Variants in CKAP2L observed in about 807,000 individuals in gnomAD.
The protein encoded by CKAP2L is cytoskeleton associated protein 2L, also known as cytoskeleton-associated protein 2-like.
A neutral mutation model predicts 65.7 loss-of-function variants in CKAP2L; 42 were observed. The ratio of observed to expected loss-of-function variants is 0.64; its 90% CI spans 0.50 to 0.83. The LOEUF is 0.83. Among genes scored for constraint, CKAP2L ranks in the 40% least tolerant of loss-of-function variants. The pLI, the probability that CKAP2L is intolerant of heterozygous loss-of-function variation, is 0.00. For missense variants in CKAP2L, 908 were observed against 871.0 expected (o/e 1.04, Z -0.53); for synonymous variants, 325 against 313.5 (o/e 1.04, Z -0.39).
chr2:112,757,465 T>C (rs962891427), intron 3 of CKAP2L, among the ~76,000 whole-genome samples: 2 of 150,076 alleles, frequency 1.3e-5, no homozygotes, highest in Non-Finnish European at 3.0e-5. Context: ...TCTTGGCTCA[T>C]TGCAACCTCT....
intron 3 of CKAP2L, among the ~76,000 whole-genome samples, chr2:112,758,767 T>C (rs1186662575): frequency 6.6e-6 from 1 of 152,204 alleles, no homozygotes; most frequent in Non-Finnish European, 1.5e-5. Flanking sequence ...ATTCACCATT[T>C]TAGTAAGTGC....
At position 112,756,734 on chromosome 2, in the gene CKAP2L, A is replaced by G. The variant is rs767835982; in HGVS notation, c.637T>C (p.Ser213Pro). 2.8e-5 allele frequency: 44 copies of G among 1,597,220 alleles called. No individual in the cohort carries two copies. The East Asian group carries it at 8.0e-4, about 29-fold the overall frequency. Residue 213 changes from serine (S) to proline (P), a missense_variant, in exon 4 of 9, where the codon TCT (serine) becomes CCT (proline). Transcript: ENST00000302450. ...AAACTGTTCTTGGTTTGATTATAAG[A>G]GTCAGTCTTTGGCTTACTTCTGGTA... ...LYTRSKPKTD[S>P]YNQTKNSLVP...
At chr2:112,761,883 G>C (rs1017612964) in intron 2 of CKAP2L, among the ~76,000 whole-genome samples, 3 of 152,148 alleles carry the variant, frequency 2.0e-5, no homozygotes, top group African/African-American at 7.2e-5. Flanking sequence ...AAACACCCAA[G>C]ATAAAATAAA....
At chr2:112,739,470 T>C (rs541660346) in intron 8 of CKAP2L, among the ~76,000 whole-genome samples, 9 of 152,312 alleles carry the variant, frequency 5.9e-5, no homozygotes, top group African/African-American at 1.9e-4. Context: ...GTGGTGTCCA[T>C]CTGTTCTTGG....
Position 112,760,729 on chromosome 2 carries a change from T to G in CKAP2L, c.140A>C (p.Gln47Pro), listed in dbSNP as rs2104890744. 1 of 1,507,562 alleles carries G rather than the reference T, an allele frequency of 6.6e-7. No homozygotes were observed. Among genetic ancestry groups the G allele is most frequent in the South Asian group, 1.2e-5 (1 of 84,974 alleles). 93.4% of individuals were successfully genotyped at this position (1,507,562 alleles called of 1,614,324 possible). A position where few individuals can be genotyped will look rare whatever the true frequency, so the allele number is the denominator to read the frequency against. The change falls in exon 3 of 9, where the codon CAA becomes CCA. Residue 47 changes from glutamine to proline, a missense_variant. Coordinates refer to ENST00000302450, the MANE Select transcript of CKAP2L (RefSeq NM_152515.5). ...TCTACTTACAGATTTAGAAGGTGGT[T>G]GATTCTGGCAATTATTCTTGGATTT... Reference protein sequence around the residue: ...YLKSKNNCQNQPPSKSTIRPK... With the variant: ...YLKSKNNCQNPPPSKSTIRPK...
chr2:112,764,318 C>A (rs995522801), intron 1 of CKAP2L, among the ~76,000 whole-genome samples: 5 of 152,234 alleles, frequency 3.3e-5, no homozygotes, highest in Non-Finnish European at 5.9e-5. Context: ...CTTTGCAAGG[C>A]TGCTGCAGGG....
chr2:112,763,878 C>G (rs146369401), intron 1 of CKAP2L: 1 of 152,330 alleles, frequency 6.6e-6, no homozygotes, highest in African/African-American at 2.4e-5. Flanking sequence ...ATAAGGCGGA[C>G]AGAAATGCCA....
At position 112,737,241 on chromosome 2, in the gene CKAP2L, A is replaced by G. The variant is rs977742459; in HGVS notation, c.*1582T>C. The G allele has an allele frequency of 5.9e-5, 9 of 152,148 alleles. No homozygotes were observed. The highest frequency in any genetic ancestry group is 1.9e-4 in the African/African-American group (8 of 41,428). The allele number at this position is 152,148 out of a possible 1,614,324, so 9.4% of individuals were successfully genotyped here. On this transcript the variant is annotated 3_prime_UTR_variant, in exon 9 of 9. Transcript: ENST00000302450. ...GCTGGTGATTTCATCTTCTTTGGGT[A>G]CATACTTACTCAGAAGAGGGTCAGA... is the stretch of plus-strand genomic sequence containing the variant.
intron 4 of CKAP2L, among the ~76,000 whole-genome samples, chr2:112,752,756 C>T (rs1294326816): frequency 6.6e-6 from 1 of 152,178 alleles, no homozygotes; most frequent in Non-Finnish European, 1.5e-5. Flanking sequence ...AAAGTTTTCA[C>T]TTCACTATAT....
intron 1 of CKAP2L, chr2:112,763,898 C>T (rs1680809483): frequency 6.6e-6 from 1 of 152,224 alleles, no homozygotes; most frequent in South Asian, 2.1e-4. Flanking sequence ...ATCTTTAAAG[C>T]TTGTTATGTA....
In CKAP2L at chr2:112,738,981, C is replaced by A; in HGVS notation, c.2080G>T (p.Glu694Ter). 6.2e-7 allele frequency: 1 copy of A among 1,614,200 alleles called. No homozygotes were observed. Among genetic ancestry groups the A allele is most frequent in the South Asian group, 1.1e-5 (1 of 91,080 alleles). Residue 694 changes from glutamate to a stop codon, truncating the protein, a stop_gained, in exon 9 of 9, where the codon GAG (glutamate) becomes TAG (stop). Transcript: ENST00000302450. LOFTEE classifies it high-confidence loss of function. ...TCTGGGTAGCGGGACACTGCTCGCTCAATCCTCGACGAACGCCGTACAGGA... is the reference window on the plus strand; with the variant it reads ...TCTGGGTAGCGGGACACTGCTCGCTAAATCCTCGACGAACGCCGTACAGGA... Reference protein sequence around the residue: ...ITPVRRSSRIERAVSRYPEML... With the variant: ...ITPVRRSSRI
At chr2:112,744,933 C>A (rs374123937) in intron 6 of CKAP2L, among the ~76,000 whole-genome samples, 23 of 151,910 alleles carry the variant, frequency 1.5e-4, no homozygotes, top group African/African-American at 5.3e-4. Context: ...ACAAAAAGAA[C>A]AAACAAACAA....
At chr2:112,743,871 G>C (rs1054957413) in intron 6 of CKAP2L, among the ~76,000 whole-genome samples, 6 of 152,080 alleles carry the variant, frequency 3.9e-5, no homozygotes, top group Non-Finnish European at 7.4e-5. Flanking sequence ...TCTGAGATAG[G>C]CTTTATTTTT....
At chr2:112,750,911 A>G (rs1462309067) in intron 5 of CKAP2L, among the ~76,000 whole-genome samples, 2 of 152,172 alleles carry the variant, frequency 1.3e-5, no homozygotes, top group Non-Finnish European at 2.9e-5. Context: ...AAAATAATCA[A>G]TAAAACCTGA....
intron 4 of CKAP2L, among the ~76,000 whole-genome samples, chr2:112,755,460 T>A (rs1680500772): frequency 6.6e-6 from 1 of 152,060 alleles, no homozygotes; most frequent in Non-Finnish European, 1.5e-5. Flanking sequence ...ATTTCTACCA[T>A]CTGAACTCTG....
intron 1 of CKAP2L, among the ~76,000 whole-genome samples, chr2:112,763,039 G>C (rs915281641): frequency 6.6e-6 from 1 of 152,234 alleles, no homozygotes; most frequent in South Asian, 2.1e-4. Context: ...TCCTGCTTTG[G>C]CCTCCCAAAG....
intron 8 of CKAP2L, among the ~76,000 whole-genome samples, chr2:112,739,861 C>G (rs2104846563): frequency 6.6e-6 from 1 of 152,252 alleles, no homozygotes; most frequent in African/African-American, 2.4e-5. Flanking sequence ...CCTATGCTGC[C>G]CAGGCCACTC....
intron 5 of CKAP2L, 121 bp from the exon 6 acceptor site, chr2:112,746,696 T>C (rs923703811): frequency 9.4e-6 from 6 of 638,578 alleles, no homozygotes; most frequent in Admixed American, 3.2e-5. Flanking sequence ...TTTTGAACTT[T>C]TAAAAAAATT....
rs1430099733 is a variant in CKAP2L, at chr2:112,756,097, G to C, written c.1274C>G (p.Ala425Gly). 2 of 1,614,182 alleles carry C rather than the reference G, an allele frequency of 1.2e-6. No homozygotes were observed. The highest frequency in any genetic ancestry group is 1.1e-5 in the South Asian group (1 of 91,082). ...GTTCAGAAAATGGTTCTGGGGAACA[G>C]CCTTTTTCAACTTGGAGTCCAAAGT... is the stretch of plus-strand genomic sequence containing the variant. Reference protein sequence around the residue: ...AQTLDSKLKKAVPQNHFLNKT... With the variant: ...AQTLDSKLKKGVPQNHFLNKT... The change falls in exon 4 of 9, where the codon GCT becomes GGT. Residue 425 changes from alanine to glycine, a missense_variant. Coordinates refer to ENST00000302450, the MANE Select transcript of CKAP2L (RefSeq NM_152515.5).
Sources: allele counts gnomAD v4.1 joint callset (sites outside exome capture counted in the v4.1 genomes callset), GRCh38; gene constraint gnomAD v4.1.1; transcripts MANE v1.5; gene names NCBI Gene and HGNC (gene_info 2026-07-23, HGNC 2026-07-21).